Variants in OSBPL6 observed in about 807,000 individuals in gnomAD.
OSBPL6 encodes oxysterol-binding protein-related protein 6.
In OSBPL6, 49 loss-of-function variants were observed where a neutral mutation model predicts 125.8. The ratio of observed to expected loss-of-function variants is 0.39; its 90% CI spans 0.31 to 0.49. The LOEUF (loss-of-function observed/expected upper bound fraction) is 0.49. OSBPL6 is among the 20% of genes least tolerant of loss of function. The pLI is 0.88. For synonymous variants in OSBPL6, 394 were observed against 391.8 expected (o/e 1.01, Z -0.07); for missense variants, 986 against 1,135.4 (o/e 0.87, Z 1.89).
intron 15 of OSBPL6, among the ~76,000 whole-genome samples, chr2:178,377,035 G>T (rs1693934987): frequency 6.6e-6 from 1 of 152,174 alleles, no homozygotes; most frequent in South Asian, 2.1e-4. Context: ...TTCAGCTAAG[G>T]CTCGGTTTCT....
intron 1 of OSBPL6, among the ~76,000 whole-genome samples, chr2:178,239,612 A>G (rs2091205115): frequency 6.7e-6 from 1 of 149,176 alleles, no homozygotes. Flanking sequence ...TTATTTATTT[A>G]TTTATTTATT....
chr2:178,364,303 G>A (rs13419207), intron 13 of OSBPL6, among the ~76,000 whole-genome samples: 2,474 of 152,308 alleles, frequency 0.016, 78 homozygotes, highest in African/African-American at 0.056. Context: ...GATAATGCCA[G>A]AAATTAGAAC....
chr2:178,322,917 TAA>T (rs4019732), intron 3 of OSBPL6, among the ~76,000 whole-genome samples: 56,340 of 144,362 alleles, frequency 0.39, 11,032 homozygotes, highest in South Asian at 0.45. Context: ...CTCATGCATT[TAA>T]AAAAAAAAAA....
At position 178,265,191 on chromosome 2, in the gene OSBPL6, C is replaced by CTTT. The variant is rs376718500; in HGVS notation, c.-350-19700_-350-19698dup. ...GTCACTTCCCCTGGCCCAGACGAGA[C>CTTT]TTTTTTTTTTTTTTTTTTTTTTTTT... On this transcript the variant is annotated intron_variant, in intron 1 of 24. Coordinates refer to ENST00000190611, the MANE Select transcript of OSBPL6 (RefSeq NM_032523.4). 1.5e-4 allele frequency among the ~76,000 whole-genome samples: 5 copies of CTTT among 33,732 alleles called. 1 individual carries two copies. The highest frequency in any genetic ancestry group is 2.6e-4 in the Non-Finnish European group (4 of 15,222). 22.1% of individuals were successfully genotyped at this position (33,732 alleles called of 152,430 possible). A position where few individuals can be genotyped will look rare whatever the true frequency, so the allele number is the denominator to read the frequency against.
intron 1 of OSBPL6, among the ~76,000 whole-genome samples, chr2:178,226,066 G>T (rs893662508): frequency 1.3e-5 from 2 of 152,198 alleles, no homozygotes; most frequent in South Asian, 2.1e-4. Context: ...ACCTTTTCTG[G>T]GCCATAAGCA....
intron 1 of OSBPL6, among the ~76,000 whole-genome samples, chr2:178,207,374 C>A (rs1179098209): frequency 1.3e-5 from 2 of 152,138 alleles, no homozygotes; most frequent in African/African-American, 4.8e-5. Context: ...TACAAGGATA[C>A]ATGTAATTGT....
chr2:178,301,233 G>A (rs924525934), intron 2 of OSBPL6, among the ~76,000 whole-genome samples: 4 of 151,860 alleles, frequency 2.6e-5, no homozygotes, highest in African/African-American at 9.7e-5. Flanking sequence ...GAATGAAAAG[G>A]GTCATTTTTA....
At chr2:178,378,382 A>T (rs1471986728) in intron 15 of OSBPL6, among the ~76,000 whole-genome samples, 1 of 152,184 alleles carries the variant, frequency 6.6e-6, no homozygotes, top group Non-Finnish European at 1.5e-5. Context: ...TCTGAGAAAC[A>T]TCTGGGCATT....
At chr2:178,336,195 C>A in intron 8 of OSBPL6, 106 bp from the exon 9 acceptor site, 1 of 1,373,110 alleles carries the variant, frequency 7.3e-7, no homozygotes, top group Non-Finnish European at 9.9e-7. Flanking sequence ...TTTGAGTGTG[C>A]ATTTTCTTCC....
chr2:178,328,363 A>G lies in OSBPL6; in HGVS notation c.303A>G (p.Leu101=). ...GFMLKKRKWP[L]KGWHKRFFVL... ...TGCTGAAGAAAAGAAAATGGCCTTT[A>G]AAAGGCTGGCACAAGGTAACATTTT... Residue 101 remains leucine, a synonymous_variant, in exon 5 of 25, where the codon TTA becomes TTG. Coordinates refer to ENST00000190611, the MANE Select transcript of OSBPL6 (RefSeq NM_032523.4). 1.2e-6 allele frequency: 2 copies of G among 1,613,418 alleles called. No individual in the cohort carries two copies. Among genetic ancestry groups the G allele is most frequent in the Non-Finnish European group, 1.7e-6 (2 of 1,179,692 alleles).
intron 1 of OSBPL6, among the ~76,000 whole-genome samples, chr2:178,234,398 T>TGA (rs369214860): frequency 1.0e-4 from 15 of 150,446 alleles, no homozygotes; most frequent in African/African-American, 2.7e-4. Context: ...TTGTTACCAG[T>TGA]GAGAGAGAGA....
At chr2:178,263,806 C>CGTGT (rs71393413) in intron 1 of OSBPL6, among the ~76,000 whole-genome samples, 4,386 of 147,802 alleles carry the variant, frequency 0.03, 120 homozygotes, top group East Asian at 0.12. Context: ...ACTGTGTACA[C>CGTGT]GTGTGTGTGT....
At chr2:178,232,534 T>G (rs955607355) in intron 1 of OSBPL6, among the ~76,000 whole-genome samples, 5 of 152,182 alleles carry the variant, frequency 3.3e-5, no homozygotes, top group Admixed American at 3.3e-4. Context: ...TACTATAAGG[T>G]AGTCGTGATG....
chr2:178,224,965 GTCTC>G (rs369904104), intron 1 of OSBPL6, among the ~76,000 whole-genome samples: 148 of 150,282 alleles, frequency 9.8e-4, no homozygotes, highest in African/African-American at 3.4e-3. Context: ...CTGTGTCTCT[GTCTC>G]TCTCTTTATC....
chr2:178,366,290 T>G (rs1451269266), intron 13 of OSBPL6, among the ~76,000 whole-genome samples: 1 of 152,200 alleles, frequency 6.6e-6, no homozygotes, highest in East Asian at 1.9e-4. Flanking sequence ...ATAATAAAAA[T>G]CCAACTCATC....
intron 15 of OSBPL6, among the ~76,000 whole-genome samples, chr2:178,381,541 G>C (rs1017394566): frequency 6.6e-6 from 1 of 152,130 alleles, no homozygotes; most frequent in East Asian, 1.9e-4. Context: ...TTTTAGTAGA[G>C]ACAGGGTTTC....
In OSBPL6 at chr2:178,361,778, G is replaced by T; in HGVS notation, c.1250G>T (p.Ser417Ile). The change falls in exon 13 of 25, where the codon AGC becomes ATC. Residue 417 changes from serine (S) to isoleucine (I), a missense_variant. Ser to Ile is a moderately radical substitution (Grantham distance 142, BLOSUM62 -2). Transcript: ENST00000190611. ...VSEQDHSKGH[S>I]TQMARLRQSL... ...GAGCAGGATCACAGTAAAGGCCACAGCACGCAGATGGCACGGCTCCGACAG... is the reference window on the plus strand; with the variant it reads ...GAGCAGGATCACAGTAAAGGCCACATCACGCAGATGGCACGGCTCCGACAG... 1 of 1,614,172 alleles carries T rather than the reference G, an allele frequency of 6.2e-7. No individual in the cohort carries two copies. Among genetic ancestry groups the T allele is most frequent in the Non-Finnish European group, 8.5e-7 (1 of 1,180,008 alleles).
intron 2 of OSBPL6, among the ~76,000 whole-genome samples, chr2:178,291,298 A>G (rs1685235996): frequency 6.6e-6 from 1 of 152,178 alleles, no homozygotes; most frequent in Admixed American, 6.6e-5. Flanking sequence ...TCACTGCATC[A>G]TACGCAGGTG....
In OSBPL6 at chr2:178,389,017, A is replaced by G; in HGVS notation, c.2165A>G (p.Asp722Gly). 3.1e-6 allele frequency: 5 copies of G among 1,613,796 alleles called. No homozygotes were observed. Among genetic ancestry groups the G allele is most frequent in the Non-Finnish European group, 3.4e-6 (4 of 1,179,930 alleles). ...GTTACATTCTTCACTAGGTATGGAG[A>G]TTACTATGTGTGGAATAAAGTCACC... is the stretch of plus-strand genomic sequence containing the variant. ...TLNVMLPKYG[D>G]YYVWNKVTTC... is the part of the protein sequence containing the mutation. Residue 722 changes from aspartate to glycine, a missense_variant, in exon 21 of 25, where the codon GAT becomes GGT. Around this residue, in one of 3 missense-constraint regions of OSBPL6, gnomAD observed 843 missense variants for 997.3 expected, o/e 0.85. Transcript: ENST00000190611.
Sources: allele counts gnomAD v4.1 joint callset (sites outside exome capture counted in the v4.1 genomes callset), GRCh38; gene constraint gnomAD v4.1.1; regional missense constraint gnomAD v4.1.1; transcripts MANE v1.5; gene names NCBI Gene and HGNC (gene_info 2026-07-23, HGNC 2026-07-21).